The following IFT74 variants were observed in gnomAD, a reference collection of about 807,000 sequenced individuals.
IFT74 encodes intraflagellar transport protein 74 homolog.
Under a neutral mutation model 96.7 loss-of-function variants are expected in IFT74, and 92 were observed. The ratio of observed to expected loss-of-function variants is 0.95; its 90% CI spans 0.80 to 1.13. IFT74 has a LOEUF of 1.13. Among genes scored for constraint, IFT74 ranks in the 50% most tolerant of loss-of-function variants. IFT74 has a pLI of 0.00. For synonymous variants in IFT74, 223 were observed against 213.2 expected (o/e 1.05, Z -0.40); for missense variants, 811 against 698.2 (o/e 1.16, Z -1.82).
chr9:26,997,784 C>T (rs1828243556), intron 8 of IFT74: 2 of 1,613,438 alleles, frequency 1.2e-6, no homozygotes, highest in Non-Finnish European at 1.7e-6. Context: ...ACTGCAAGAG[C>T]AGTTCCATAG....
Position 27,017,053 on chromosome 9 carries a change from G to A in IFT74, c.933+3G>A. 1 of 1,593,950 alleles carries A rather than the reference G, an allele frequency of 6.3e-7. No individual in the cohort carries two copies. The highest frequency in any genetic ancestry group is 8.5e-7 in the Non-Finnish European group (1 of 1,173,322). ...AGAGAGAGAAATTACTTAAGCAGGT[G>A]GGCAAAACAAACATACTTATTTTAA... On this transcript the variant is annotated splice_donor_region_variant and intron_variant, in intron 11 of 19. Coordinates refer to ENST00000380062, the MANE Select transcript of IFT74 (RefSeq NM_025103.4).
intron 10 of IFT74, 91 bp from the exon 11 acceptor site, chr9:27,016,816 A>G: frequency 2.1e-6 from 2 of 955,656 alleles, no homozygotes; most frequent in East Asian, 2.7e-5. Context: ...TAGTAGTTTA[A>G]ATTTACCCCC....
intron 2 of IFT74, among the ~76,000 whole-genome samples, chr9:26,975,950 C>T (rs1217525149): frequency 6.6e-6 from 1 of 152,236 alleles, no homozygotes; most frequent in African/African-American, 2.4e-5. Context: ...ATAGGACCCA[C>T]TCAATCCACA....
intron 12 of IFT74, among the ~76,000 whole-genome samples, chr9:27,023,066 T>C (rs529466413): frequency 6.4e-4 from 98 of 152,338 alleles, no homozygotes; most frequent in African/African-American, 2.3e-3. Flanking sequence ...TGGTTGAGTC[T>C]TCAGGGTTTC....
At chr9:27,044,653 G>T (rs1819616599) in intron 13 of IFT74, 89 bp from the exon 14 acceptor site, 2 of 736,782 alleles carry the variant, frequency 2.7e-6, no homozygotes, top group South Asian at 1.7e-5. Context: ...AATGACTAAT[G>T]GCATAGAGAG....
At chr9:27,001,550 G>C (rs941681405) in intron 8 of IFT74, among the ~76,000 whole-genome samples, 6 of 152,092 alleles carry the variant, frequency 3.9e-5, no homozygotes, top group African/African-American at 1.4e-4. Context: ...GCATTTCCCT[G>C]AGTGATTACT....
At chr9:27,027,021 G>T (rs1322696192) in intron 12 of IFT74, among the ~76,000 whole-genome samples, 1 of 152,054 alleles carries the variant, frequency 6.6e-6, no homozygotes, top group South Asian at 2.1e-4. Context: ...AAAGATAAAT[G>T]AAGCAAAAAG....
upstream of IFT74, chr9:26,955,939 T>G (rs974163610): frequency 6.6e-6 from 1 of 152,082 alleles, no homozygotes; most frequent in Non-Finnish European, 1.5e-5. Flanking sequence ...GCAAAGCTTC[T>G]GGTGAAAGCA....
In IFT74 at chr9:26,978,181, T is replaced by C. The variant is rs760441360; in HGVS notation, c.174T>C (p.Gly58=). Residue 58 remains glycine, a synonymous_variant, in exon 3 of 20, where the codon GGT becomes GGC. Coordinates refer to ENST00000380062, the MANE Select transcript of IFT74 (RefSeq NM_025103.4). Reference sequence around the variant, plus strand: ...CTCGTGGTTGTCCCATAGGGACTGGTGGAGTTCTGTCTTCTCAAATCAAAG... The same window carrying C: ...CTCGTGGTTGTCCCATAGGGACTGGCGGAGTTCTGTCTTCTCAAATCAAAG... ...PGSRGCPIGT[G]GVLSSQIKVA... is the part of the protein sequence containing the mutation. 2.5e-6 allele frequency: 4 copies of C among 1,613,420 alleles called. No individual in the cohort carries two copies. The South Asian group carries it at 4.4e-5, about 18-fold the overall frequency.
At chr9:26,969,166 C>A (rs1826767634) in intron 2 of IFT74, among the ~76,000 whole-genome samples, 1 of 152,000 alleles carries the variant, frequency 6.6e-6, no homozygotes, top group Non-Finnish European at 1.5e-5. Flanking sequence ...TCTTCTTAGA[C>A]CCACTGGTCA....
rs767401176 is a variant in IFT74 at position 27,060,049 on chromosome 9, C to T, written c.1624-542C>T. 6.0e-4 allele frequency among the ~76,000 whole-genome samples: 91 copies of T among 152,298 alleles called. 1 individual carries two copies. Among genetic ancestry groups the T allele is most frequent in the Non-Finnish European group, 7.4e-4 (50 of 68,024 alleles). On this transcript the variant is annotated intron_variant, in intron 18 of 19. Coordinates refer to ENST00000380062, the MANE Select transcript of IFT74 (RefSeq NM_025103.4). ...ATCAATATAATATCCACATTAGCTT[C>T]CTGTTGATGCAGAAATTATTGTAAC...
chr9:26,999,023 ATAAACTCTCTGGTTTAACTCTCT>A (rs1478940679), intron 8 of IFT74, among the ~76,000 whole-genome samples: 1 of 152,176 alleles, frequency 6.6e-6, no homozygotes, highest in African/African-American at 2.4e-5. Flanking sequence ...ATCAGTCTGA[ATAAACTCTCTGGTTTAACTCTCT>A]TAAACTCTCT....
chr9:26,969,469 C>T (rs1382044486), intron 2 of IFT74, among the ~76,000 whole-genome samples: 1 of 151,720 alleles, frequency 6.6e-6, no homozygotes, highest in Non-Finnish European at 1.5e-5. Context: ...TGATACGTTT[C>T]TCATAGTCAG....
chr9:27,055,631 T>A lies in IFT74; in HGVS notation c.1356T>A (p.Asp452Glu). Reference protein sequence around the residue: ...LTSDIQRLQLDLQKMELLESK... With the variant: ...LTSDIQRLQLELQKMELLESK... ...CAGACATTCAACGTCTGCAGTTGGATCTGCAGAAAATGGAGCTTCTAGAAA... is the reference window on the plus strand; with the variant it reads ...CAGACATTCAACGTCTGCAGTTGGAACTGCAGAAAATGGAGCTTCTAGAAA... The change falls in exon 17 of 20, where the codon GAT becomes GAA. Residue 452 changes from aspartate to glutamate, a missense_variant. Physicochemically the swap from Asp to Glu is conservative, Grantham distance 45. Transcript: ENST00000380062. 1 of 1,580,134 alleles carries A rather than the reference T, an allele frequency of 6.3e-7. No individual in the cohort carries two copies. The highest frequency in any genetic ancestry group is 1.9e-5 in the Admixed American group (1 of 51,640).
chr9:27,036,406 G>A (rs917207750), intron 13 of IFT74: 9 of 1,603,298 alleles, frequency 5.6e-6, no homozygotes, highest in Non-Finnish European at 6.8e-6. Context: ...CAGCAATTTT[G>A]TAATATAGTC....
intron 13 of IFT74, among the ~76,000 whole-genome samples, chr9:27,034,939 A>T (rs1023808334): frequency 2.0e-5 from 3 of 152,152 alleles, no homozygotes; most frequent in Non-Finnish European, 4.4e-5. Flanking sequence ...ATCTTACTTT[A>T]TCTTAGTTTT....
At chr9:27,022,967 CT>C (rs1433551492) in intron 12 of IFT74, among the ~76,000 whole-genome samples, 2 of 152,026 alleles carry the variant, frequency 1.3e-5, no homozygotes, top group Non-Finnish European at 2.9e-5. Flanking sequence ...AGCTTGGTTG[CT>C]GTTGGTATAT....
Position 26,980,657 on chromosome 9 carries a change from C to T in IFT74, c.305+38C>T, listed in dbSNP as rs377637362. ...TATCTTTTCATCCGTATGTTTTACT[C>T]GAAATATTGTGTACCTTCTGTCAAA... On this transcript the variant is annotated intron_variant, in intron 4 of 19. Transcript: ENST00000380062. 25 of 1,322,764 alleles carry T rather than the reference C, an allele frequency of 1.9e-5. No homozygotes were observed. In the East Asian group the frequency reaches 3.9e-4, roughly 21 times the overall value. The allele number at this position is 1,322,764 out of a possible 1,614,324, so 81.9% of individuals were successfully genotyped here.
At chr9:26,967,742 C>T (rs1826688160) in intron 2 of IFT74, among the ~76,000 whole-genome samples, 1 of 152,076 alleles carries the variant, frequency 6.6e-6, no homozygotes, top group African/African-American at 2.4e-5. Context: ...TCATATATAG[C>T]TTTTATTGTA....
Sources: gnomAD v4.1 joint callset for allele counts (sites outside exome capture counted in the v4.1 genomes callset) on GRCh38, gnomAD v4.1.1 for gene constraint, MANE v1.5 for transcripts, NCBI Gene and HGNC (gene_info 2026-07-23, HGNC 2026-07-21) for gene names.